The following TK2 variants were observed in gnomAD, a reference collection of about 807,000 sequenced individuals.
TK2 encodes thymidine kinase 2, also known as thymidine kinase 2, mitochondrial.
In TK2, 35 loss-of-function variants were observed where a neutral mutation model predicts 41.9. The ratio of observed to expected loss-of-function variants is 0.84; its 90% CI spans 0.64 to 1.11. The LOEUF (loss-of-function observed/expected upper bound fraction) is 1.11, where lower values mean the gene tolerates loss of function less well. Ranked by LOEUF, TK2 falls within the 50% of genes least tolerant of loss-of-function variation. The probability of loss-of-function intolerance (pLI) is 0.00; values close to 1 mark genes in which losing one functional copy is unlikely to be tolerated. For missense variants in TK2, 320 were observed against 351.1 expected, an observed-to-expected ratio of 0.91 and a Z score of 0.71; for synonymous variants, 128 against 129.1, an observed-to-expected ratio of 0.99 and a Z score of 0.06.
Position 66,549,941 on chromosome 16 carries a change from G to A in TK2, c.121C>T (p.Pro41Ser). The A allele has an allele frequency of 1.5e-6, 2 of 1,354,308 alleles. No individual in the cohort carries two copies. Among genetic ancestry groups the A allele is most frequent in the Non-Finnish European group, 1.9e-6 (2 of 1,061,894 alleles). 83.9% of individuals were successfully genotyped at this position (1,354,308 alleles called of 1,614,324 possible). The part of the protein sequence containing the change: ...PRRVQRRAWP[P>S]DKEQEKEKKS... ...GCGGGACCAAGACGCGCGTTACCGG[G>A]AGGCCAGGCCCGGCGCTGCACCCTC... Residue 41 changes from proline (P) to serine (S), a missense_variant, in exon 1 of 10, where the codon CCC becomes TCC. Pro to Ser is a moderately conservative substitution (Grantham distance 74, BLOSUM62 -1). Transcript: ENST00000544898.
At chr16:66,518,679 T>C (rs887762545) in intron 6 of TK2, among the ~76,000 whole-genome samples, 28 of 152,358 alleles carry the variant, frequency 1.8e-4, no homozygotes, top group Non-Finnish European at 3.4e-4. Context: ...TAATATTTAA[T>C]GGCATGGAAA....
At position 66,517,442 on chromosome 16, in the gene TK2, G is replaced by C; in HGVS notation, c.539-227C>G. The C allele has an allele frequency of 3.2e-6, 2 of 621,116 alleles. No individual in the cohort carries two copies. The highest frequency in any genetic ancestry group is 5.8e-6 in the Non-Finnish European group (2 of 347,610). 38.5% of individuals were successfully genotyped at this position (621,116 alleles called of 1,614,324 possible). A position where few individuals can be genotyped will look rare whatever the true frequency, so the allele number is the denominator to read the frequency against. The stretch of plus-strand genomic sequence containing the variant: ...GAATGGGATTCTGTTCATAGACAGA[G>C]CTCAAAACAGGCCTCACACCCAGCA... On this transcript the variant is annotated intron_variant, in intron 7 of 9. Transcript: ENST00000544898. This position sits in a 1 kb window ranked among gnomAD's most constrained non-coding sequence, Gnocchi z 4.3.
chr16:66,528,972 T>G (rs375383309), intron 6 of TK2, 22 bp downstream of exon 6: 39 of 1,608,170 alleles, frequency 2.4e-5, no homozygotes, highest in Non-Finnish European at 3.2e-5. Context: ...TAATAAATTA[T>G]CAACTATTCA....
At position 66,511,827 on chromosome 16, in the gene TK2, G is replaced by A. The variant is rs983378093; in HGVS notation, c.*141C>T. On this transcript the variant is annotated 3_prime_UTR_variant, in exon 10 of 10. Coordinates refer to ENST00000544898, the MANE Select transcript of TK2 (RefSeq NM_004614.5). ...CCAGAGACGCATGACAAAGACACTA[G>A]CAAAGGAGATGAGACCATTAGGAAA... The A allele has an allele frequency of 5.4e-6, 4 of 741,222 alleles. No homozygotes were observed. Among genetic ancestry groups the A allele is most frequent in the Non-Finnish European group, 9.6e-6 (4 of 417,506 alleles). The allele number at this position is 741,222 out of a possible 1,614,324, so 45.9% of individuals were successfully genotyped here. A position where few individuals can be genotyped will look rare whatever the true frequency, so the allele number is the denominator to read the frequency against.
intron 3 of TK2, among the ~76,000 whole-genome samples, chr16:66,541,215 T>C (rs1965447044): frequency 6.6e-6 from 1 of 152,198 alleles, no homozygotes. Context: ...TATGCAAATA[T>C]TCCAAAATCT....
rs200305417 is a variant in TK2 at position 66,540,173 on chromosome 16, C to CTTTTTT, written c.231+1700_231+1705dup. On this transcript the variant is annotated intron_variant, in intron 3 of 9. Transcript: ENST00000544898. ...TATTTCTTTTCTTTCTTTCTTTTTTCTTTTTTTTTTTTTTTTTGAGACAGG... is the reference window on the plus strand; with the variant it reads ...TATTTCTTTTCTTTCTTTCTTTTTTCTTTTTTTTTTTTTTTTTTTTTTTGAGACAGG... Among the ~76,000 whole-genome samples the CTTTTTT allele has an allele frequency of 6.8e-4, 89 of 130,754 alleles. 1 individual carries two copies. The highest frequency in any genetic ancestry group is 1.3e-3 in the African/African-American group (44 of 34,228). 85.8% of individuals were successfully genotyped at this position (130,754 alleles called of 152,430 possible).
intron 1 of TK2, 162 bp downstream of exon 1, chr16:66,549,776 C>T (rs1282641390): frequency 5.0e-5 from 64 of 1,280,464 alleles, no homozygotes; most frequent in Non-Finnish European, 5.9e-5. Context: ...GTCTCGCGCC[C>T]GGGTAACGGC....
intron 6 of TK2, among the ~76,000 whole-genome samples, chr16:66,520,148 AG>A: frequency 6.6e-6 from 1 of 152,302 alleles, no homozygotes; most frequent in South Asian, 2.1e-4. Context: ...CAGGACTCCC[AG>A]AAAACCTGGA....
chr16:66,531,185 G>A (rs1965099057), intron 5 of TK2, among the ~76,000 whole-genome samples, 195 bp downstream of exon 5: 1 of 152,226 alleles, frequency 6.6e-6, no homozygotes, highest in Non-Finnish European at 1.5e-5. Context: ...GCTGGCTGAG[G>A]TTTGCAGGTG....
rs909820145 is a variant in TK2 at position 66,514,513 on chromosome 16, G to A, written c.619-702C>T. ...GCCTGCCTTGGCCTCCCAAAGTGCCGAGATTGCAGCCTCTGCCCGGCTGCC... is the reference window on the plus strand; with the variant it reads ...GCCTGCCTTGGCCTCCCAAAGTGCCAAGATTGCAGCCTCTGCCCGGCTGCC... On this transcript the variant is annotated intron_variant, in intron 8 of 9. Coordinates refer to ENST00000544898, the MANE Select transcript of TK2 (RefSeq NM_004614.5). This position sits in a 1 kb window ranked among gnomAD's most constrained non-coding sequence, Gnocchi z 4.2. Among the ~76,000 whole-genome samples, 1 of 152,198 alleles carries A rather than the reference G, an allele frequency of 6.6e-6. No homozygotes were observed. The highest frequency in any genetic ancestry group is 1.5e-5 in the Non-Finnish European group (1 of 68,048).
chr16:66,548,687 A>G, intron 2 of TK2: 1 of 399,610 alleles, frequency 2.5e-6, no homozygotes, highest in South Asian at 2.9e-5. Flanking sequence ...CAACACAATG[A>G]GCGTTTTTCA....
chr16:66,523,245 T>C (rs969071563), intron 6 of TK2, among the ~76,000 whole-genome samples: 2 of 152,058 alleles, frequency 1.3e-5, no homozygotes, highest in African/African-American at 4.8e-5. Flanking sequence ...GAAGGGGCAA[T>C]GGTAATGTGC....
At position 66,517,009 on chromosome 16, in the gene TK2, T is replaced by C. The variant is rs747292750; in HGVS notation, c.618+127A>G. On this transcript the variant is annotated intron_variant, in intron 8 of 9. Coordinates refer to ENST00000544898, the MANE Select transcript of TK2 (RefSeq NM_004614.5). The surrounding 1 kb of genome is among the most constrained non-coding windows in gnomAD (Gnocchi z 4.3). ...GTCAGAGTTCACCCTCTGATACACT[T>C]GGTTCCTGTTCTCTCTCTGCAAACA... The C allele has an allele frequency of 2.1e-5, 18 of 862,030 alleles. No individual in the cohort carries two copies. Among genetic ancestry groups the C allele is most frequent in the Non-Finnish European group, 3.6e-5 (18 of 500,376 alleles). The allele number at this position is 862,030 out of a possible 1,614,324, so 53.4% of individuals were successfully genotyped here.
In TK2 at chr16:66,508,647, T is replaced by C. The variant is rs1211976938; in HGVS notation, c.*3321A>G. 1.3e-5 allele frequency: 2 copies of C among 152,244 alleles called. No individual in the cohort carries two copies. Among genetic ancestry groups the C allele is most frequent in the Admixed American group, 6.5e-5 (1 of 15,284 alleles). 9.4% of individuals were successfully genotyped at this position (152,244 alleles called of 1,614,324 possible). ...GTAGACAGGTTTCAGGACCACCTTT[T>C]ACCTGCTCTGAGGTTTAAATGGCAC... On this transcript the variant is annotated 3_prime_UTR_variant, in exon 10 of 10. Transcript: ENST00000544898.
chr16:66,544,856 G>C (rs1222399240), intron 2 of TK2, among the ~76,000 whole-genome samples: 1 of 152,162 alleles, frequency 6.6e-6, no homozygotes, highest in Non-Finnish European at 1.5e-5. Flanking sequence ...GGGAGGCCGA[G>C]GCAGGGGATC....
chr16:66,545,790 C>T (rs1567541563), intron 2 of TK2, among the ~76,000 whole-genome samples: 1 of 151,764 alleles, frequency 6.6e-6, no homozygotes, highest in Non-Finnish European at 1.5e-5. Context: ...TGCCATTGCA[C>T]TCCAGCCTGG....
intron 6 of TK2, among the ~76,000 whole-genome samples, chr16:66,521,293 G>GACTCCGGTGGCTCTGCCCCTGCCAC (rs1964772668): frequency 6.6e-6 from 1 of 152,232 alleles, no homozygotes; most frequent in Non-Finnish European, 1.5e-5. Flanking sequence ...GGGACTGACA[G>GACTCCGGTGGCTCTGCCCCTGCCAC]ACTCCGGTGG....
intron 8 of TK2, among the ~76,000 whole-genome samples, chr16:66,516,523 G>A (rs184372153): frequency 1.9e-4 from 29 of 152,296 alleles, no homozygotes; most frequent in South Asian, 8.3e-4. Flanking sequence ...AATATCAGCC[G>A]GGCGGCAGCC....
rs867705248 is a variant in TK2, at chr16:66,514,794, T to C, written c.619-983A>G. Among the ~76,000 whole-genome samples, 41 of 152,294 alleles carry C rather than the reference T, an allele frequency of 2.7e-4. No individual in the cohort carries two copies. The highest frequency in any genetic ancestry group is 9.1e-4 in the African/African-American group (38 of 41,564). ...GTGTCTGTGTAGAAAGAAGTAGACA[T>C]AGGAGACTCCATTTTGTTCTGTACT... On this transcript the variant is annotated intron_variant, in intron 8 of 9. Transcript: ENST00000544898. The surrounding 1 kb of genome is among the most constrained non-coding windows in gnomAD (Gnocchi z 4.2).
Sources: allele counts gnomAD v4.1 joint callset (sites outside exome capture counted in the v4.1 genomes callset), GRCh38; gene constraint gnomAD v4.1.1; non-coding constraint Gnocchi (gnomAD v3.1); transcripts MANE v1.5; gene names NCBI Gene and HGNC (gene_info 2026-07-23, HGNC 2026-07-21).